The following LRBA variants were observed in gnomAD, a reference collection of about 807,000 sequenced individuals.
The protein encoded by LRBA is LPS responsive beige-like anchor protein, also known as lipopolysaccharide-responsive and beige-like anchor protein.
A neutral mutation model predicts 330.0 loss-of-function variants in LRBA; 176 were observed. The ratio of observed to expected loss-of-function variants is 0.53; its 90% CI spans 0.47 to 0.60. The LOEUF is 0.60. LRBA is among the 20% of genes least tolerant of loss of function. LRBA has a pLI of 0.00. For synonymous variants in LRBA, 1,230 were observed against 1,193.0 expected, an observed-to-expected ratio of 1.03 and a Z score of -0.64; for missense variants, 3,259 against 3,444.8, an observed-to-expected ratio of 0.95 and a Z score of 1.35.
At chr4:150,736,005 G>GA (rs1485140432) in intron 35 of LRBA, among the ~76,000 whole-genome samples, 3 of 152,034 alleles carry the variant, frequency 2.0e-5, no homozygotes, top group Non-Finnish European at 2.9e-5. Context: ...AGGGTGGGGA[G>GA]AAAAAAATCA....
At chr4:150,894,012 C>T (rs1044778926) in intron 16 of LRBA, among the ~76,000 whole-genome samples, 11 of 152,138 alleles carry the variant, frequency 7.2e-5, no homozygotes, top group African/African-American at 9.7e-5. Flanking sequence ...AAATAAAATA[C>T]CTTTTATGTT....
chr4:150,407,738 C>T (rs1176514346), intron 47 of LRBA, among the ~76,000 whole-genome samples: 3 of 152,080 alleles, frequency 2.0e-5, no homozygotes, highest in South Asian at 4.1e-4. Flanking sequence ...GGAAAATACA[C>T]ATTTGGAAAA....
chr4:150,844,816 AG>A, intron 26 of LRBA, 37 bp from the exon 27 acceptor site: 1 of 1,564,486 alleles, frequency 6.4e-7, no homozygotes, highest in Non-Finnish European at 8.8e-7. Context: ...GGGAAAGAAA[AG>A]TTAATATTTA....
chr4:150,273,168 A>G (rs576796561), intron 56 of LRBA, among the ~76,000 whole-genome samples: 24 of 152,316 alleles, frequency 1.6e-4, no homozygotes, highest in African/African-American at 5.8e-4. Context: ...AACATTCTCT[A>G]AGAAAATAAT....
intron 47 of LRBA, among the ~76,000 whole-genome samples, chr4:150,387,070 A>G (rs1743188437): frequency 6.6e-6 from 1 of 151,872 alleles, no homozygotes; most frequent in Non-Finnish European, 1.5e-5. Flanking sequence ...TCTTCTTTTG[A>G]GAAGTGTCTT....
At chr4:150,359,549 G>A (rs1433582774) in intron 47 of LRBA, among the ~76,000 whole-genome samples, 1 of 152,136 alleles carries the variant, frequency 6.6e-6, no homozygotes, top group Non-Finnish European at 1.5e-5. Flanking sequence ...AGGAGAAATT[G>A]TTTACATGGT....
At chr4:150,320,505 C>T (rs924969383) in intron 50 of LRBA, among the ~76,000 whole-genome samples, 5 of 151,964 alleles carry the variant, frequency 3.3e-5, no homozygotes, top group African/African-American at 7.3e-5. Flanking sequence ...ACATAATAGA[C>T]AATCAGAATT....
intron 36 of LRBA, among the ~76,000 whole-genome samples, chr4:150,702,748 A>AAGCATGCTTAAG (rs2127002094): frequency 6.6e-6 from 1 of 152,322 alleles, no homozygotes; most frequent in Admixed American, 6.5e-5. Context: ...TCATGCTCTT[A>AAGCATGCTTAAG]AGCATGAATT....
At chr4:150,502,501 G>A (rs1363867979) in intron 40 of LRBA, among the ~76,000 whole-genome samples, 1 of 152,150 alleles carries the variant, frequency 6.6e-6, no homozygotes, top group Non-Finnish European at 1.5e-5. Flanking sequence ...ACCCACATGA[G>A]GAGAGAACTT....
chr4:150,676,637 G>A (rs1182103365), intron 37 of LRBA, among the ~76,000 whole-genome samples: 1 of 151,898 alleles, frequency 6.6e-6, no homozygotes, highest in Non-Finnish European at 1.5e-5. Flanking sequence ...TTCTCATATT[G>A]GGATTTTTTT....
chr4:150,893,889 A>G (rs1440284701), intron 16 of LRBA, among the ~76,000 whole-genome samples: 1 of 151,814 alleles, frequency 6.6e-6, no homozygotes, highest in African/African-American at 2.4e-5. Flanking sequence ...ATTAGCCAGG[A>G]TGGTCTCGAT....
intron 47 of LRBA, among the ~76,000 whole-genome samples, chr4:150,392,805 C>G (rs1407425735): frequency 2.7e-5 from 4 of 145,632 alleles, no homozygotes; most frequent in Non-Finnish European, 5.9e-5. Context: ...AATGAGAACA[C>G]ATGGACACAG....
At chr4:150,601,216 A>G (rs1462915184) in intron 37 of LRBA, among the ~76,000 whole-genome samples, 2 of 152,244 alleles carry the variant, frequency 1.3e-5, no homozygotes, top group East Asian at 3.8e-4. Flanking sequence ...TCATTCATCC[A>G]TCCTTCTACA....
intron 35 of LRBA, among the ~76,000 whole-genome samples, chr4:150,745,414 G>C (rs1457788176): frequency 5.5e-5 from 5 of 90,492 alleles, no homozygotes; most frequent in South Asian, 3.3e-4. Flanking sequence ...GAAAATTAGA[G>C]CATGAAGATG....
At chr4:150,638,018 T>C (rs1216997744) in intron 37 of LRBA, among the ~76,000 whole-genome samples, 1 of 152,144 alleles carries the variant, frequency 6.6e-6, no homozygotes, top group East Asian at 1.9e-4. Context: ...TTATATTGAA[T>C]CTATAGATCA....
chr4:150,931,363 T>C (rs1734482648), intron 2 of LRBA, among the ~76,000 whole-genome samples: 1 of 151,262 alleles, frequency 6.6e-6, no homozygotes, highest in African/African-American at 2.4e-5. Flanking sequence ...CTGACGGTGG[T>C]GGTTATTGTT....
intron 40 of LRBA, among the ~76,000 whole-genome samples, chr4:150,507,265 G>A (rs975684703): frequency 9.2e-5 from 14 of 152,246 alleles, no homozygotes; most frequent in African/African-American, 3.1e-4. Context: ...AGCCCGCATT[G>A]CCAAGTCAAT....
intron 2 of LRBA, among the ~76,000 whole-genome samples, chr4:150,982,377 C>T (rs781743918): frequency 4.0e-5 from 6 of 151,880 alleles, no homozygotes; most frequent in Non-Finnish European, 5.9e-5. Context: ...ACTAAAATGC[C>T]CCTTGAAAAC....
chr4:150,804,877 C>T (rs1439078841), intron 33 of LRBA, among the ~76,000 whole-genome samples: 1 of 151,982 alleles, frequency 6.6e-6, no homozygotes, highest in African/African-American at 2.4e-5. Context: ...ACTCAGAAGG[C>T]CAAGGTAGGG....
Sources: allele counts gnomAD v4.1 joint callset (sites outside exome capture counted in the v4.1 genomes callset), GRCh38; gene constraint gnomAD v4.1.1; transcripts MANE v1.5; gene names NCBI Gene and HGNC (gene_info 2026-07-23, HGNC 2026-07-21).